The following DGKI variants were observed in gnomAD, a reference collection of about 807,000 sequenced individuals.
DGKI encodes the protein DAG kinase iota.
A neutral mutation model predicts 147.5 loss-of-function variants in DGKI; 55 were observed. The ratio of observed to expected loss-of-function variants is 0.37; its 90% CI spans 0.30 to 0.47. The LOEUF (loss-of-function observed/expected upper bound fraction) is 0.47, where lower values mean the gene tolerates loss of function less well. Among genes scored for constraint, DGKI ranks in the 20% least tolerant of loss-of-function variants. The pLI, the probability that DGKI is intolerant of heterozygous loss-of-function variation, is 1.00. For missense variants in DGKI, 1,007 were observed against 1,323.8 expected (o/e 0.76, Z 3.71); for synonymous variants, 469 against 477.1 (o/e 0.98, Z 0.22).
intron 1 of DGKI, among the ~76,000 whole-genome samples, chr7:137,807,892 T>C (rs1797431452): frequency 6.6e-6 from 1 of 152,194 alleles, no homozygotes; most frequent in South Asian, 2.1e-4. Flanking sequence ...CCCCCACTCA[T>C]CAAGTCATAC....
chr7:137,500,916 AAATT>A (rs1816147914), intron 21 of DGKI, among the ~76,000 whole-genome samples: 1 of 152,190 alleles, frequency 6.6e-6, no homozygotes, highest in African/African-American at 2.4e-5. Flanking sequence ...AATATACAAT[AAATT>A]ATTATTAACT....
intron 1 of DGKI, among the ~76,000 whole-genome samples, chr7:137,743,913 G>T (rs1795249828): frequency 6.6e-6 from 1 of 150,854 alleles, no homozygotes; most frequent in African/African-American, 2.4e-5. Context: ...AACTCGGGAG[G>T]CAGAGGTTGC....
chr7:137,432,698 A>T (rs1813127249), intron 28 of DGKI, among the ~76,000 whole-genome samples: 1 of 152,206 alleles, frequency 6.6e-6, no homozygotes, highest in South Asian at 2.1e-4. Context: ...CCAGGATGTG[A>T]AATATTTATG....
intron 1 of DGKI, among the ~76,000 whole-genome samples, chr7:137,784,887 A>C (rs547931531): frequency 6.6e-6 from 1 of 152,216 alleles, no homozygotes; most frequent in African/African-American, 2.4e-5. Context: ...TGGGTAAACA[A>C]ATCACGATGG....
At chr7:137,759,711 A>C (rs1795798383) in intron 1 of DGKI, among the ~76,000 whole-genome samples, 1 of 152,196 alleles carries the variant, frequency 6.6e-6, no homozygotes, top group Admixed American at 6.5e-5. Context: ...CAAGGGAAAA[A>C]GATTTCCAAG....
At chr7:137,630,594 C>T (rs948948337) in intron 6 of DGKI, among the ~76,000 whole-genome samples, 1 of 152,198 alleles carries the variant, frequency 6.6e-6, no homozygotes, top group African/African-American at 2.4e-5. Context: ...TGGAAACAGA[C>T]AACTTAACCC....
intron 7 of DGKI, among the ~76,000 whole-genome samples, chr7:137,622,225 G>A (rs1373928621): frequency 6.6e-6 from 1 of 152,048 alleles, no homozygotes; most frequent in Non-Finnish European, 1.5e-5. Flanking sequence ...TGAACTATAT[G>A]GAACTGCCAA....
intron 1 of DGKI, among the ~76,000 whole-genome samples, chr7:137,799,249 A>G (rs1439660648): frequency 1.3e-5 from 2 of 152,174 alleles, no homozygotes; most frequent in Non-Finnish European, 2.9e-5. Flanking sequence ...ATGAAAGAAG[A>G]CAGTCACAAA....
intron 28 of DGKI, among the ~76,000 whole-genome samples, chr7:137,412,449 A>G (rs1812198841): frequency 6.6e-6 from 1 of 152,190 alleles, no homozygotes; most frequent in Non-Finnish European, 1.5e-5. Context: ...TAAATATTTT[A>G]AAAACTGGAG....
At chr7:137,616,916 G>A (rs1486442413) in intron 8 of DGKI, among the ~76,000 whole-genome samples, 1 of 151,654 alleles carries the variant, frequency 6.6e-6, no homozygotes, top group East Asian at 1.9e-4. Context: ...ATTGGAAAAC[G>A]ACTCCTTGGC....
intron 1 of DGKI, among the ~76,000 whole-genome samples, chr7:137,729,266 A>T (rs1254840669): frequency 6.6e-6 from 1 of 152,136 alleles, no homozygotes; most frequent in Non-Finnish European, 1.5e-5. Flanking sequence ...TAGAAAACTC[A>T]GTTTTCTCAC....
intron 3 of DGKI, among the ~76,000 whole-genome samples, chr7:137,676,912 T>G (rs1823056247): frequency 6.6e-6 from 1 of 152,214 alleles, no homozygotes; most frequent in Admixed American, 6.5e-5. Flanking sequence ...GGGAGCAATT[T>G]GGAAATAAGG....
chr7:137,590,676 T>C (rs1047605273), intron 12 of DGKI, among the ~76,000 whole-genome samples: 1 of 152,168 alleles, frequency 6.6e-6, no homozygotes, highest in African/African-American at 2.4e-5. Flanking sequence ...CCACAACTTC[T>C]ATGAATCGAT....
intron 3 of DGKI, among the ~76,000 whole-genome samples, chr7:137,674,317 G>C (rs997298408): frequency 3.3e-5 from 5 of 152,152 alleles, no homozygotes; most frequent in African/African-American, 1.2e-4. Flanking sequence ...AGCTGTTCTA[G>C]GGTTTTGGAA....
At chr7:137,844,184 G>C (rs1246822939) in intron 1 of DGKI, among the ~76,000 whole-genome samples, 1 of 152,168 alleles carries the variant, frequency 6.6e-6, no homozygotes, top group African/African-American at 2.4e-5. Context: ...ATGACGAGTG[G>C]GCAGGCCATT....
chr7:137,594,487 C>T (rs555985168), intron 12 of DGKI, among the ~76,000 whole-genome samples: 52 of 152,186 alleles, frequency 3.4e-4, no homozygotes, highest in African/African-American at 1.1e-3. Flanking sequence ...TAAACTAATA[C>T]GGTTATGGGG....
chr7:137,795,272 G>A (rs550964054), intron 1 of DGKI, among the ~76,000 whole-genome samples: 66 of 152,154 alleles, frequency 4.3e-4, no homozygotes, highest in Non-Finnish European at 6.8e-4. Flanking sequence ...AAAACCAGCA[G>A]CTTTAGAAAG....
At chr7:137,648,282 T>G (rs997022903) in intron 5 of DGKI, among the ~76,000 whole-genome samples, 2 of 152,200 alleles carry the variant, frequency 1.3e-5, no homozygotes, top group African/African-American at 4.8e-5. Flanking sequence ...AAGAAACATG[T>G]TGGAAACATT....
At chr7:137,535,380 G>GT (rs1389975188) in intron 20 of DGKI, among the ~76,000 whole-genome samples, 1 of 151,984 alleles carries the variant, frequency 6.6e-6, no homozygotes, top group African/African-American at 2.4e-5. Context: ...TAAAAAACAA[G>GT]TGTTGTATCT....
Sources: allele counts gnomAD v4.1 joint callset (sites outside exome capture counted in the v4.1 genomes callset), GRCh38; gene constraint gnomAD v4.1.1; transcripts MANE v1.5; gene names NCBI Gene and HGNC (gene_info 2026-07-23, HGNC 2026-07-21).